Variants in TRIM32 observed in about 807,000 individuals in gnomAD.
The protein encoded by TRIM32 is tripartite motif containing 32.
TRIM32 carries 19 observed loss-of-function variants against 36.0 expected under a neutral mutation model. The observed-to-expected ratio is 0.53, with a 90% CI of 0.37 to 0.77. The LOEUF is 0.77. Ranked by LOEUF, TRIM32 falls within the 30% of genes least tolerant of loss-of-function variation. The probability of loss-of-function intolerance (pLI) is 0.00; values close to 1 mark genes in which losing one functional copy is unlikely to be tolerated. For missense variants in TRIM32, 747 were observed against 845.2 expected (o/e 0.88, Z 1.44); for synonymous variants, 309 against 318.5 (o/e 0.97, Z 0.32).
chr9:116,697,623 G>A, intron 1 of TRIM32, 39 bp from the exon 2 acceptor site: 1 of 1,285,164 alleles, frequency 7.8e-7, no homozygotes, highest in Non-Finnish European at 1.1e-6. Flanking sequence ...TATTTATATA[G>A]TCAGAGGAAA....
At chr9:116,688,159 G>A (rs1860368928) in intron 1 of TRIM32, among the ~76,000 whole-genome samples, 1 of 151,976 alleles carries the variant, frequency 6.6e-6, no homozygotes, top group African/African-American at 2.4e-5. Context: ...TTGGAAATAG[G>A]GATTAAACGA....
At chr9:116,696,950 TA>T (rs11400163) in intron 1 of TRIM32, among the ~76,000 whole-genome samples, 35,250 of 136,982 alleles carry the variant, frequency 0.26, 5,052 homozygotes, top group East Asian at 0.48. Flanking sequence ...GTGACATGAT[TA>T]AAAAAAAAAA....
At chr9:116,687,673 C>T (rs1169989925) in intron 1 of TRIM32, among the ~76,000 whole-genome samples, 1 of 151,282 alleles carries the variant, frequency 6.6e-6, no homozygotes, top group South Asian at 2.1e-4. Context: ...GAGGTAATGT[C>T]GGGGCCCTGA....
At chr9:116,696,180 G>T (rs1236132719) in intron 1 of TRIM32, among the ~76,000 whole-genome samples, 2 of 151,978 alleles carry the variant, frequency 1.3e-5, no homozygotes, top group Non-Finnish European at 2.9e-5. Flanking sequence ...TCTCATTTTG[G>T]CTCTGAAGAC....
In TRIM32 at chr9:116,699,368, T is replaced by A. The variant is rs760108488; in HGVS notation, c.1626T>A (p.Asn542Lys). The A allele has an allele frequency of 6.2e-7, 1 of 1,614,214 alleles. No homozygotes were observed. The highest frequency in any genetic ancestry group is 8.5e-7 in the Non-Finnish European group (1 of 1,180,036). ...GLGLNLENRQ[N>K]EHHLEGGFSI... is the part of the protein sequence containing the mutation. ...GCCTCAATCTGGAGAATCGGCAGAA[T>A]GAGCACCACCTGGAGGGTGGCTTTT... Residue 542 changes from asparagine to lysine, a missense_variant, in exon 2 of 2, where the codon AAT (asparagine) becomes AAA (lysine). Coordinates refer to ENST00000450136, the MANE Select transcript of TRIM32 (RefSeq NM_012210.4). This position sits in a 1 kb window ranked among gnomAD's most constrained non-coding sequence, Gnocchi z 4.2.
intron 1 of TRIM32, among the ~76,000 whole-genome samples, chr9:116,690,819 T>C (rs138525985): frequency 3.5e-4 from 53 of 152,278 alleles, no homozygotes; most frequent in Non-Finnish European, 5.4e-4. Flanking sequence ...TATGAGACTA[T>C]GAGAACATAT....
Position 116,697,644 on chromosome 9 carries a change from GT to G in TRIM32, c.-81-15del. 1 of 1,451,098 alleles carries G rather than the reference GT, an allele frequency of 6.9e-7. No homozygotes were observed. Among genetic ancestry groups the G allele is most frequent in the Non-Finnish European group, 9.5e-7 (1 of 1,055,694 alleles). 89.9% of individuals were successfully genotyped at this position (1,451,098 alleles called of 1,614,324 possible). A position where few individuals can be genotyped will look rare whatever the true frequency, so the allele number is the denominator to read the frequency against. On this transcript the variant is annotated splice_polypyrimidine_tract_variant and intron_variant, in intron 1 of 1. Transcript: ENST00000450136. ...TATAGTCAGAGGAAAATGAATAATG[GT>G]TTCTTTTTCTCTTTAGCAGGAATTT...
Position 116,699,251 on chromosome 9 carries a change from G to T in TRIM32, c.1509G>T (p.Gly503=). The T allele has an allele frequency of 6.2e-7, 1 of 1,614,216 alleles. No homozygotes were observed. Among genetic ancestry groups the T allele is most frequent in the Middle Eastern group, 1.6e-4 (1 of 6,062 alleles). The change falls in exon 2 of 2, where the codon GGG becomes GGT. Residue 503 remains glycine, a synonymous_variant. Transcript: ENST00000450136. This position sits in a 1 kb window ranked among gnomAD's most constrained non-coding sequence, Gnocchi z 4.2. The part of the protein sequence containing the change: ...LWCFTVDRGS[G]VVKYSCLCSA... ...GTTTCACAGTTGATCGAGGATCAGG[G>T]GTGGTCAAATACAGCTGCCTATGTA...
In TRIM32 at chr9:116,700,587, A is replaced by G. The variant is rs1861121074; in HGVS notation, c.*883A>G. On this transcript the variant is annotated 3_prime_UTR_variant, in exon 2 of 2. Coordinates refer to ENST00000450136, the MANE Select transcript of TRIM32 (RefSeq NM_012210.4). ...AATTGTACAACATAGGCCAGGGCCA[A>G]CAAAGTGGAGAGGTGGACACATTTT... 1 of 167,134 alleles carries G rather than the reference A, an allele frequency of 6.0e-6. No homozygotes were observed. The highest frequency in any genetic ancestry group is 2.1e-4 in the South Asian group (1 of 4,834). 10.4% of individuals were successfully genotyped at this position (167,134 alleles called of 1,614,324 possible). A position where few individuals can be genotyped will look rare whatever the true frequency, so the allele number is the denominator to read the frequency against.
Position 116,699,179 on chromosome 9 carries a change from A to G in TRIM32, c.1437A>G (p.Pro479=). The G allele has an allele frequency of 1.2e-6, 2 of 1,614,204 alleles. No individual in the cohort carries two copies. Among genetic ancestry groups the G allele is most frequent in the South Asian group, 2.2e-5 (2 of 91,086 alleles). Residue 479 remains proline, a synonymous_variant, in exon 2 of 2, where the codon CCA becomes CCG. Coordinates refer to ENST00000450136, the MANE Select transcript of TRIM32 (RefSeq NM_012210.4). The surrounding 1 kb of genome is among the most constrained non-coding windows in gnomAD (Gnocchi z 4.2). ...LSKPWGITAL[P]SGQFVVTDVE... is the part of the protein sequence containing the mutation. ...AACCATGGGGTATCACAGCCTTGCCATCTGGCCAGTTTGTAGTAACCGATG... is the reference window on the plus strand; with the variant it reads ...AACCATGGGGTATCACAGCCTTGCCGTCTGGCCAGTTTGTAGTAACCGATG...
rs1000775632 is a variant in TRIM32 at position 116,698,883 on chromosome 9, A to C, written c.1141A>C (p.Ser381Arg). The stretch of plus-strand genomic sequence containing the variant: ...TCTTCCAGTCAGTCTCTACGTGACC[A>C]GTCAAGGTGAAGTACTAGTCGCTGA... ...FNLPVSLYVT[S>R]QGEVLVADRG... The change falls in exon 2 of 2, where the codon AGT becomes CGT. Residue 381 changes from serine to arginine, a missense_variant. Physicochemically the swap from Ser to Arg is moderately radical, Grantham distance 110 (BLOSUM62 -1). Coordinates refer to ENST00000450136, the MANE Select transcript of TRIM32 (RefSeq NM_012210.4). The surrounding 1 kb of genome is among the most constrained non-coding windows in gnomAD (Gnocchi z 4.4). 1 of 1,614,128 alleles carries C rather than the reference A, an allele frequency of 6.2e-7. No homozygotes were observed. The highest frequency in any genetic ancestry group is 1.3e-5 in the African/African-American group (1 of 74,950).
chr9:116,698,581 T>C lies in TRIM32; in HGVS notation c.839T>C (p.Leu280Pro). 1 of 1,613,956 alleles carries C rather than the reference T, an allele frequency of 6.2e-7. No homozygotes were observed. The highest frequency in any genetic ancestry group is 8.5e-7 in the Non-Finnish European group (1 of 1,179,966). ...GAGCTCACCCTGCAAGATGTGGAGCTCCTTAAGGTAGGTCATGTTGGCCCC... is the reference window on the plus strand; with the variant it reads ...GAGCTCACCCTGCAAGATGTGGAGCCCCTTAAGGTAGGTCATGTTGGCCCC... ...PRELTLQDVE[L>P]LKVGHVGPLQ... The change falls in exon 2 of 2, where the codon CTC (leucine) becomes CCC (proline). Residue 280 changes from leucine to proline, a missense_variant. By Grantham distance (98) the Leu-to-Pro change is moderately conservative. Transcript: ENST00000450136. The surrounding 1 kb of genome is among the most constrained non-coding windows in gnomAD (Gnocchi z 4.4).
intron 1 of TRIM32, among the ~76,000 whole-genome samples, chr9:116,692,881 T>C (rs1328535429): frequency 6.6e-6 from 1 of 152,158 alleles, no homozygotes; most frequent in Admixed American, 6.5e-5. Flanking sequence ...ATTCTAGCAT[T>C]TCATACTTAG....
chr9:116,699,968 C>G lies in TRIM32; in HGVS notation c.*264C>G, dbSNP rs1387945066. The G allele has an allele frequency of 1.8e-6, 1 of 568,648 alleles. No homozygotes were observed. Among genetic ancestry groups the G allele is most frequent in the Non-Finnish European group, 3.2e-6 (1 of 313,198 alleles). 35.2% of individuals were successfully genotyped at this position (568,648 alleles called of 1,614,324 possible). A position where few individuals can be genotyped will look rare whatever the true frequency, so the allele number is the denominator to read the frequency against. On this transcript the variant is annotated 3_prime_UTR_variant, in exon 2 of 2. Transcript: ENST00000450136. The surrounding 1 kb of genome is among the most constrained non-coding windows in gnomAD (Gnocchi z 4.2). The stretch of plus-strand genomic sequence containing the variant: ...AGCTGAAGTTTGATTAGCAATTAGG[C>G]ACTTCCAAGGCTTTAGTAGAGAGAG...
chr9:116,687,312 G>C lies in TRIM32; in HGVS notation c.-151G>C. On this transcript the variant is annotated 5_prime_UTR_variant, in exon 1 of 2. Transcript: ENST00000450136. ...TGGCGCCCGGCAAGGGGTGCTCAACGGCGCGTGCGCAGAGGGAGGCAGGCG... is the reference window on the plus strand; with the variant it reads ...TGGCGCCCGGCAAGGGGTGCTCAACCGCGCGTGCGCAGAGGGAGGCAGGCG... 3.1e-6 allele frequency: 3 copies of C among 981,976 alleles called. No individual in the cohort carries two copies. Among genetic ancestry groups the C allele is most frequent in the Non-Finnish European group, 3.6e-6 (3 of 826,432 alleles). 60.8% of individuals were successfully genotyped at this position (981,976 alleles called of 1,614,324 possible).
In TRIM32 at chr9:116,699,247, C is replaced by G. The variant is rs1221660946; in HGVS notation, c.1505C>G (p.Ser502Ter). 1.2e-6 allele frequency: 2 copies of G among 1,614,224 alleles called. No homozygotes were observed. Among genetic ancestry groups the G allele is most frequent in the South Asian group, 1.1e-5 (1 of 91,090 alleles). Residue 502 changes from serine (S) to a stop codon, truncating the protein, a stop_gained, in exon 2 of 2, where the codon TCA becomes TGA. Transcript: ENST00000450136. LOFTEE classifies it high-confidence loss of function. The surrounding 1 kb of genome is among the most constrained non-coding windows in gnomAD (Gnocchi z 4.2). ...KLWCFTVDRGSGVVKYSCLCS... is the reference protein window; with the variant it reads ...KLWCFTVDRG ...TGGTGTTTCACAGTTGATCGAGGATCAGGGGTGGTCAAATACAGCTGCCTA... is the reference window on the plus strand; with the variant it reads ...TGGTGTTTCACAGTTGATCGAGGATGAGGGGTGGTCAAATACAGCTGCCTA...
Position 116,697,887 on chromosome 9 carries a change from G to A in TRIM32, c.145G>A (p.Glu49Lys). 1 of 1,614,198 alleles carries A rather than the reference G, an allele frequency of 6.2e-7. No individual in the cohort carries two copies. The highest frequency in any genetic ancestry group is 8.5e-7 in the Non-Finnish European group (1 of 1,180,048). Residue 49 changes from glutamate to lysine, a missense_variant, in exon 2 of 2, where the codon GAG (glutamate) becomes AAG (lysine). By Grantham distance (56) the Glu-to-Lys change is moderately conservative (BLOSUM62 1). Coordinates refer to ENST00000450136, the MANE Select transcript of TRIM32 (RefSeq NM_012210.4). Reference protein sequence around the residue: ...CGHTICRQCLEKLLASSINGV... With the variant: ...CGHTICRQCLKKLLASSINGV... ...CCATACCATCTGCCGCCAGTGCCTGGAGAAGCTATTGGCCAGTAGCATCAA... is the reference window on the plus strand; with the variant it reads ...CCATACCATCTGCCGCCAGTGCCTGAAGAAGCTATTGGCCAGTAGCATCAA...
rs538227887 is a variant in TRIM32, at chr9:116,688,473, C to T, written c.-82+1092C>T. Among the ~76,000 whole-genome samples, 6 of 152,214 alleles carry T rather than the reference C, an allele frequency of 3.9e-5. No individual in the cohort carries two copies. In the East Asian group the frequency reaches 1.2e-3, roughly 29 times the overall value. ...AACTGGATGAGTATATGAAGATGAG[C>T]AGAGTTCAGGTGCTGAGGAACAAAG... On this transcript the variant is annotated intron_variant, in intron 1 of 1. Transcript: ENST00000450136.
At position 116,698,015 on chromosome 9, in the gene TRIM32, C is replaced by T. The variant is rs766289627; in HGVS notation, c.273C>T (p.Leu91=). The change falls in exon 2 of 2, where the codon CTC becomes CTT. Residue 91 remains leucine (L), a synonymous_variant. Transcript: ENST00000450136. The surrounding 1 kb of genome is among the most constrained non-coding windows in gnomAD (Gnocchi z 4.4). ...TAAAGATCATTGATACAGCTGGGCT[C>T]AGCGAGGCTGTGGGGCTGCTCATGT... is the stretch of plus-strand genomic sequence containing the variant. ...TVLKIIDTAG[L]SEAVGLLMCR... is the part of the protein sequence containing the mutation. The T allele has an allele frequency of 3.7e-6, 6 of 1,613,986 alleles. No homozygotes were observed. The East Asian group carries it at 6.7e-5, about 18-fold the overall frequency.
Sources: allele counts gnomAD v4.1 joint callset (sites outside exome capture counted in the v4.1 genomes callset), GRCh38; gene constraint gnomAD v4.1.1; non-coding constraint Gnocchi (gnomAD v3.1); transcripts MANE v1.5; gene names NCBI Gene and HGNC (gene_info 2026-07-23, HGNC 2026-07-21).